CCNG1: variants seen among roughly 807,000 people sequenced by gnomAD.
CCNG1 encodes the protein cyclin-G1.
In CCNG1, 13 loss-of-function variants were observed where a neutral mutation model predicts 30.0. That is an observed-to-expected ratio of 0.43 (90% CI 0.28 to 0.69). CCNG1 has a LOEUF of 0.69. CCNG1 is among the 30% of genes least tolerant of loss of function. CCNG1 has a pLI of 0.16. For missense variants in CCNG1, 285 were observed against 331.4 expected (o/e 0.86, Z 1.09); for synonymous variants, 110 against 121.5 (o/e 0.91, Z 0.62).
chr5:163,455,953 G>A, the CCNG1 span, among the ~76,000 whole-genome samples: 28,265 of 152,012 alleles, frequency 0.19, 3,029 homozygotes, highest in South Asian at 0.38. Flanking sequence ...CATTGGATAG[G>A]GTATGAGAAA....
chr5:163,455,318 A>G, the CCNG1 span, among the ~76,000 whole-genome samples: 1 of 152,252 alleles, frequency 6.6e-6, no homozygotes, highest in South Asian at 2.1e-4. Flanking sequence ...GGAACAGCAA[A>G]CAGGCCAGTA....
rs766962044 is a variant in CCNG1 at position 163,439,316 on chromosome 5, G to A, written c.60G>A (p.Leu20=). Residue 20 remains leucine, a synonymous_variant, in exon 2 of 7, where the codon CTG becomes CTA. Transcript: ENST00000340828. The part of the protein sequence containing the change: ...SQKLLHQLNA[L]LEQESRCQPK... ...AACTGCTACACCAGCTGAATGCCCT[G>A]TTGGAACAGGAGTCTAGATGTCAGC... 9 of 1,614,068 alleles carry A rather than the reference G, an allele frequency of 5.6e-6. No homozygotes were observed. The South Asian group carries it at 8.8e-5, about 16-fold the overall frequency.
the CCNG1 span, chr5:163,456,910 T>C: frequency 6.4e-7 from 1 of 1,565,026 alleles, no homozygotes; most frequent in Non-Finnish European, 8.7e-7. Context: ...CACATACTCA[T>C]ACACTTCATC....
chr5:163,447,307 TAGGCATAGTG>T (rs1561623275), downstream of CCNG1: 1 of 152,102 alleles, frequency 6.6e-6, no homozygotes, highest in Non-Finnish European at 1.5e-5. Flanking sequence ...AAAAATTAGC[TAGGCATAGTG>T]ATATACATCT....
intron 6 of CCNG1, among the ~76,000 whole-genome samples, 155 bp from the exon 7 acceptor site, chr5:163,443,517 CAG>C (rs1395676495): frequency 1.3e-5 from 2 of 152,110 alleles, no homozygotes; most frequent in Non-Finnish European, 2.9e-5. Flanking sequence ...TTTCCTAACT[CAG>C]TGATGATTTA....
downstream of CCNG1, among the ~76,000 whole-genome samples, chr5:163,446,309 G>A (rs17886307): frequency 0.087 from 13,262 of 151,986 alleles, 733 homozygotes; most frequent in East Asian, 0.16. Context: ...TTACTCTCTG[G>A]TACTATGAAT....
At chr5:163,455,737 A>G in the CCNG1 span, among the ~76,000 whole-genome samples, 1 of 81,846 alleles carries the variant, frequency 1.2e-5, no homozygotes, top group Non-Finnish European at 2.2e-5. Flanking sequence ...CCATCTCAGA[A>G]AAAAAAAAAA....
At chr5:163,455,999 G>T in the CCNG1 span, among the ~76,000 whole-genome samples, 15 of 151,912 alleles carry the variant, frequency 9.9e-5, no homozygotes, top group African/African-American at 3.4e-4. Flanking sequence ...AATTTTTTTT[G>T]ACCTGAACTA....
At chr5:163,455,170 G>T in the CCNG1 span, among the ~76,000 whole-genome samples, 1 of 152,008 alleles carries the variant, frequency 6.6e-6, no homozygotes, top group Non-Finnish European at 1.5e-5. Context: ...CAGGATAAGG[G>T]AAATAAAATT....
the CCNG1 span, chr5:163,453,001 GGTA>G: frequency 6.6e-6 from 1 of 152,088 alleles, no homozygotes; most frequent in African/African-American, 2.4e-5. Context: ...AGGATTAGAG[GGTA>G]GTAATGTGTC....
chr5:163,453,449 T>C, the CCNG1 span: 1 of 152,576 alleles, frequency 6.6e-6, no homozygotes, highest in Admixed American at 6.5e-5. Flanking sequence ...AATAATATTC[T>C]AATTAAGAAA....
At chr5:163,457,511 A>C in the CCNG1 span, 1 of 1,057,604 alleles carries the variant, frequency 9.5e-7, no homozygotes, top group Non-Finnish European at 1.5e-6. Context: ...AGAGGAAAAG[A>C]TATCAAGACA....
At chr5:163,455,077 C>T in the CCNG1 span, among the ~76,000 whole-genome samples, 1 of 151,422 alleles carries the variant, frequency 6.6e-6, no homozygotes, top group South Asian at 2.1e-4. Context: ...AGGTAGTGGG[C>T]CAAATTTGGC....
chr5:163,452,982 G>A, the CCNG1 span: 3 of 152,204 alleles, frequency 2.0e-5, no homozygotes, highest in Non-Finnish European at 4.4e-5. Context: ...TGAATGAAGT[G>A]AAGATCTGAG....
chr5:163,456,544 A>C, the CCNG1 span, among the ~76,000 whole-genome samples: 1 of 152,148 alleles, frequency 6.6e-6, no homozygotes, highest in Non-Finnish European at 1.5e-5. Flanking sequence ...AAACAAAACA[A>C]AACAAGCAAT....
chr5:163,438,622 AT>A (rs1757619517), intron 1 of CCNG1, among the ~76,000 whole-genome samples: 5 of 152,360 alleles, frequency 3.3e-5, no homozygotes, highest in South Asian at 4.1e-4. Context: ...CTTAACTACC[AT>A]CTGCTTTTCA....
chr5:163,454,606 G>A, the CCNG1 span, among the ~76,000 whole-genome samples: 36 of 152,218 alleles, frequency 2.4e-4, no homozygotes, highest in Admixed American at 7.9e-4. Context: ...CTCCCAAAGT[G>A]CTGGGATTAC....
intron 2 of CCNG1, among the ~76,000 whole-genome samples, chr5:163,440,038 T>G (rs950142993): frequency 6.6e-6 from 1 of 151,378 alleles, no homozygotes; most frequent in African/African-American, 2.4e-5. Flanking sequence ...GCAACTATTT[T>G]CCTATACTAG....
intron 2 of CCNG1, 83 bp downstream of exon 2, chr5:163,439,603 C>T: frequency 7.9e-7 from 1 of 1,266,254 alleles, no homozygotes; most frequent in Non-Finnish European, 1.1e-6. Context: ...TATTCATAAA[C>T]TTGACCTTTT....
Sources: gnomAD v4.1 joint callset for allele counts (sites outside exome capture counted in the v4.1 genomes callset) on GRCh38, gnomAD v4.1.1 for gene constraint, MANE v1.5 for transcripts, NCBI Gene and HGNC (gene_info 2026-07-23, HGNC 2026-07-21) for gene names.